The following C4orf50 variants were observed in gnomAD, a reference collection of about 807,000 sequenced individuals.
The protein encoded by C4orf50 is chromosome 4 open reading frame 50, also known as uncharacterized protein C4orf50.
Under a neutral mutation model 77.2 loss-of-function variants are expected in C4orf50, and 80 were observed. That is an observed-to-expected ratio of 1.04 (90% CI 0.87 to 1.25). The LOEUF (loss-of-function observed/expected upper bound fraction) is 1.25. Among genes scored for constraint, C4orf50 ranks in the 50% most tolerant of loss-of-function variants. The pLI is 0.00. For synonymous variants in C4orf50, 532 were observed against 465.3 expected (o/e 1.14, Z -1.84); for missense variants, 1,257 against 1,152.9 (o/e 1.09, Z -1.31).
chr4:5,912,474 AGT>A (rs1214130933), intron 7 of C4orf50, among the ~76,000 whole-genome samples: 1 of 152,232 alleles, frequency 6.6e-6, no homozygotes, highest in Non-Finnish European at 1.5e-5. Flanking sequence ...CATTTTCAGC[AGT>A]GTTTCTACCA....
At chr4:5,920,617 C>T (rs1383746614) in intron 7 of C4orf50, among the ~76,000 whole-genome samples, 2 of 151,850 alleles carry the variant, frequency 1.3e-5, no homozygotes, top group East Asian at 1.9e-4. Flanking sequence ...GCTGGGACTA[C>T]AGGTGTGTGC....
intron 7 of C4orf50, chr4:5,903,850 T>A (rs903627106): frequency 6.6e-6 from 1 of 152,174 alleles, no homozygotes; most frequent in Admixed American, 6.5e-5. Context: ...TCCAGCTCAG[T>A]GGCACAGAGC....
rs994684490 is a variant in C4orf50, at chr4:5,905,845, G to A, written c.*2475-7657C>T. ...ACAAACTGGGGTGCTCTGGGATGTCGTCATTTGTTCGTCCAACAAAAAGTG... is the reference window on the plus strand; with the variant it reads ...ACAAACTGGGGTGCTCTGGGATGTCATCATTTGTTCGTCCAACAAAAAGTG... On this transcript the variant is annotated intron_variant, in intron 7 of 7. Coordinates refer to the C4orf50 transcript ENST00000324058. The surrounding 1 kb of genome is among the most constrained non-coding windows in gnomAD (Gnocchi z 5.4). 4.0e-5 allele frequency among the ~76,000 whole-genome samples: 6 copies of A among 148,536 alleles called. No homozygotes were observed. Among genetic ancestry groups the A allele is most frequent in the African/African-American group, 7.6e-5 (3 of 39,686 alleles).
chr4:5,911,851 T>C (rs1029613729), intron 7 of C4orf50, among the ~76,000 whole-genome samples: 1 of 152,042 alleles, frequency 6.6e-6, no homozygotes, highest in African/African-American at 2.4e-5. Flanking sequence ...ATCGAGACCA[T>C]CCTGGCCAAC....
At chr4:5,987,219 T>C (rs1430742674) in intron 28 of C4orf50, among the ~76,000 whole-genome samples, 1 of 151,848 alleles carries the variant, frequency 6.6e-6, no homozygotes, top group Non-Finnish European at 1.5e-5. Context: ...GAGACCAGCC[T>C]GGGCAACATG....
At chr4:5,912,948 C>T (rs1419800982) in intron 7 of C4orf50, among the ~76,000 whole-genome samples, 2 of 152,198 alleles carry the variant, frequency 1.3e-5, no homozygotes, top group African/African-American at 4.8e-5. Flanking sequence ...ACCTGCCAGG[C>T]TGTAGATTGT....
chr4:6,003,918 G>GT (rs1244723133), intron 25 of C4orf50, among the ~76,000 whole-genome samples: 129 of 125,374 alleles, frequency 1.0e-3, no homozygotes, highest in Non-Finnish European at 1.4e-3. Flanking sequence ...TGTTGATGAT[G>GT]GTGGTGATGG....
downstream of C4orf50, among the ~76,000 whole-genome samples, chr4:5,953,682 T>C (rs544078375): frequency 7.2e-5 from 11 of 152,108 alleles, no homozygotes; most frequent in African/African-American, 2.4e-4. Flanking sequence ...GTCCAGCCCC[T>C]CTGGCATTGT....
rs544274549 is a variant in C4orf50, at chr4:5,984,187, G to A, written c.3700-3849C>T. Among the ~76,000 whole-genome samples the A allele has an allele frequency of 1.1e-4, 17 of 152,314 alleles. No homozygotes were observed. In the South Asian group the frequency reaches 1.7e-3, roughly 15 times the overall value. ...AAGAATAAGATGATCTGCTGATCAC[G>A]CAACTATCTGCCAGAATAAAATTCA... On this transcript the variant is annotated intron_variant, in intron 28 of 33. Coordinates refer to ENST00000531445, the Ensembl canonical transcript of C4orf50.
intron 31 of C4orf50, among the ~76,000 whole-genome samples, chr4:5,971,473 C>T (rs1486868674): frequency 6.6e-6 from 1 of 151,764 alleles, no homozygotes; most frequent in Non-Finnish European, 1.5e-5. Flanking sequence ...ATTTCTGAAA[C>T]ACATCACAAT....
intron 25 of C4orf50, among the ~76,000 whole-genome samples, chr4:5,997,751 A>G (rs906741857): frequency 2.0e-5 from 3 of 152,250 alleles, no homozygotes; most frequent in African/African-American, 7.2e-5. Context: ...ACATTTTCCT[A>G]TGCATAGACA....
At chr4:5,948,285 A>G (rs1718567267) in intron 7 of C4orf50, among the ~76,000 whole-genome samples, 1 of 152,360 alleles carries the variant, frequency 6.6e-6, no homozygotes, top group Non-Finnish European at 1.5e-5. Flanking sequence ...GTGATGAAAG[A>G]ATGGTATTAT....
chr4:6,004,289 G>A (rs1266341972), intron 25 of C4orf50, among the ~76,000 whole-genome samples: 2 of 54,626 alleles, frequency 3.7e-5, no homozygotes, highest in Admixed American at 2.3e-4. Context: ...GGTGATGTTG[G>A]TGATGATGGT....
intron 25 of C4orf50, among the ~76,000 whole-genome samples, chr4:5,997,208 A>G (rs1274609423): frequency 1.3e-5 from 2 of 152,156 alleles, no homozygotes; most frequent in African/African-American, 4.8e-5. Flanking sequence ...AGAAATGGTT[A>G]CTGGTGGTAT....
chr4:6,016,329 G>A (rs528544513), intron 23 of C4orf50, among the ~76,000 whole-genome samples: 73 of 152,246 alleles, frequency 4.8e-4, no homozygotes, highest in South Asian at 1.7e-3. Context: ...CAGGCAGATC[G>A]CTTGAGGTCA....
At position 5,996,173 on chromosome 4, in the gene C4orf50, G is replaced by T. The variant is rs945442365; in HGVS notation, c.964-1697C>A. 2.0e-5 allele frequency among the ~76,000 whole-genome samples: 3 copies of T among 152,146 alleles called. No individual in the cohort carries two copies. The South Asian group carries it at 6.2e-4, about 32-fold the overall frequency. On this transcript the variant is annotated intron_variant, in intron 25 of 33. Coordinates refer to ENST00000531445, the Ensembl canonical transcript of C4orf50. The stretch of plus-strand genomic sequence containing the variant: ...CAGCAACCTGCTTGCCTGTCCCAGC[G>T]CGTCCGTGCTCTCCCCGGCCTCTGC...
At chr4:6,004,393 G>GGTGA (rs1722133139) in intron 25 of C4orf50, among the ~76,000 whole-genome samples, 1 of 30,010 alleles carries the variant, frequency 3.3e-5, no homozygotes, top group Non-Finnish European at 8.6e-5. Context: ...GGTGATGGTG[G>GGTGA]TGATGGTGAT....
chr4:5,914,806 G>A (rs1439538557), intron 7 of C4orf50, among the ~76,000 whole-genome samples: 1 of 152,196 alleles, frequency 6.6e-6, no homozygotes, highest in Non-Finnish European at 1.5e-5. Context: ...GGCTGAGTCA[G>A]TAAGTTAATG....
chr4:5,946,658 T>C (rs1269448182), intron 7 of C4orf50, among the ~76,000 whole-genome samples: 1 of 152,234 alleles, frequency 6.6e-6, no homozygotes, highest in Non-Finnish European at 1.5e-5. Flanking sequence ...TGTCTTTCTA[T>C]TGCCTTTACC....
Sources: gnomAD v4.1 joint callset for allele counts (sites outside exome capture counted in the v4.1 genomes callset) on GRCh38, gnomAD v4.1.1 for gene constraint, Gnocchi (gnomAD v3.1) non-coding constraint, MANE v1.5 for transcripts, NCBI Gene and HGNC (gene_info 2026-07-23, HGNC 2026-07-21) for gene names.